The following ATP9B variants were observed in gnomAD, a reference collection of about 807,000 sequenced individuals.
ATP9B encodes probable phospholipid-transporting ATPase IIB.
Under a neutral mutation model 146.1 loss-of-function variants are expected in ATP9B, and 110 were observed. The observed-to-expected ratio is 0.75, with a 90% confidence interval of 0.65 to 0.88. The LOEUF (loss-of-function observed/expected upper bound fraction) is 0.88, where lower values mean the gene tolerates loss of function less well. Among genes scored for constraint, ATP9B ranks in the 40% least tolerant of loss-of-function variants. The pLI, the probability that ATP9B is intolerant of heterozygous loss-of-function variation, is 0.00. For synonymous variants in ATP9B, 604 were observed against 569.7 expected (o/e 1.06, Z -0.86); for missense variants, 1,499 against 1,496.4 (o/e 1.00, Z -0.03).
At chr18:79,271,413 GGT>G (rs2096253375) in intron 12 of ATP9B, among the ~76,000 whole-genome samples, 1 of 125,520 alleles carries the variant, frequency 8.0e-6, no homozygotes, top group Non-Finnish European at 1.7e-5. Context: ...AACAGGCCCC[GGT>G]GTGTGATGTT....
chr18:79,313,133 A>G (rs2096662005), intron 15 of ATP9B, among the ~76,000 whole-genome samples: 1 of 152,202 alleles, frequency 6.6e-6, no homozygotes, highest in African/African-American at 2.4e-5. Flanking sequence ...AGATACGTAA[A>G]AATCTCTGTA....
At chr18:79,166,208 G>T (rs2094962026) in intron 7 of ATP9B, among the ~76,000 whole-genome samples, 1 of 152,212 alleles carries the variant, frequency 6.6e-6, no homozygotes, top group African/African-American at 2.4e-5. Context: ...TGGAGAGCTT[G>T]GTGGCCACCA....
chr18:79,370,473 G>A (rs1344033000), intron 26 of ATP9B, among the ~76,000 whole-genome samples: 1 of 152,132 alleles, frequency 6.6e-6, no homozygotes, highest in African/African-American at 2.4e-5. Flanking sequence ...AAATGAAGAG[G>A]TACCTGGCCC....
At chr18:79,099,846 G>A (rs981299155) in intron 2 of ATP9B, among the ~76,000 whole-genome samples, 3 of 151,982 alleles carry the variant, frequency 2.0e-5, no homozygotes, top group Non-Finnish European at 2.9e-5. Flanking sequence ...TAAAAAATGG[G>A]CCAGGTGCAG....
intron 11 of ATP9B, among the ~76,000 whole-genome samples, chr18:79,218,215 T>C (rs1312321561): frequency 6.6e-6 from 1 of 152,166 alleles, no homozygotes; most frequent in Non-Finnish European, 1.5e-5. Context: ...TGTCATGTTT[T>C]CCTCGTGTTC....
intron 12 of ATP9B, among the ~76,000 whole-genome samples, chr18:79,267,634 A>C (rs1458343818): frequency 2.0e-5 from 3 of 152,050 alleles, no homozygotes; most frequent in African/African-American, 7.2e-5. Context: ...CTTATTTCTT[A>C]TCTTAATTTA....
At chr18:79,228,646 A>G (rs1477719570) in intron 11 of ATP9B, among the ~76,000 whole-genome samples, 1 of 152,206 alleles carries the variant, frequency 6.6e-6, no homozygotes, top group East Asian at 1.9e-4. Context: ...TGATTTACTC[A>G]AGATGTGACT....
intron 11 of ATP9B, among the ~76,000 whole-genome samples, chr18:79,252,713 C>G (rs540371269): frequency 6.6e-6 from 1 of 152,042 alleles, no homozygotes; most frequent in Non-Finnish European, 1.5e-5. Context: ...AATGGACTTG[C>G]ATGTAGCGTG....
At chr18:79,256,769 G>A (rs1466861943) in intron 12 of ATP9B, among the ~76,000 whole-genome samples, 2 of 152,088 alleles carry the variant, frequency 1.3e-5, no homozygotes, top group African/African-American at 4.8e-5. Context: ...TTGCTGTCCT[G>A]TTTGGTTTAT....
intron 28 of ATP9B, 136 bp downstream of exon 28, chr18:79,374,237 C>G (rs919897329): frequency 9.5e-7 from 1 of 1,050,744 alleles, no homozygotes; most frequent in African/African-American, 1.6e-5. Context: ...CCTGCTCTTA[C>G]TGTCCCTGCA....
chr18:79,127,070 C>G (rs888778826), intron 5 of ATP9B, among the ~76,000 whole-genome samples: 1 of 152,138 alleles, frequency 6.6e-6, no homozygotes, highest in African/African-American at 2.4e-5. Context: ...ACCCCAAAGT[C>G]TGTTTAAAAA....
At chr18:79,336,508 A>G (rs1174941497) in intron 17 of ATP9B, 120 bp from the exon 18 acceptor site, 3 of 801,738 alleles carry the variant, frequency 3.7e-6, no homozygotes, top group African/African-American at 1.7e-5. Context: ...TTGGTGATGA[A>G]GGTGGGCACA....
chr18:79,071,066 T>TTG (rs371797213), intron 1 of ATP9B, among the ~76,000 whole-genome samples: 1 of 149,482 alleles, frequency 6.7e-6, no homozygotes, highest in South Asian at 2.1e-4. Flanking sequence ...TTTTTTTTTT[T>TTG]GCCACTTTTT....
At chr18:79,290,520 C>T (rs1026015546) in intron 13 of ATP9B, among the ~76,000 whole-genome samples, 1 of 152,190 alleles carries the variant, frequency 6.6e-6, no homozygotes, top group African/African-American at 2.4e-5. Context: ...CTGTCTGTCA[C>T]CCCTTTCTTT....
intron 6 of ATP9B, among the ~76,000 whole-genome samples, chr18:79,153,453 T>C (rs9958026): frequency 0.13 from 20,529 of 152,182 alleles, 1,473 homozygotes; most frequent in East Asian, 0.2. Flanking sequence ...GATTTATTCT[T>C]TCACATCTAT....
At chr18:79,257,182 C>T in intron 12 of ATP9B, among the ~76,000 whole-genome samples, 1 of 152,140 alleles carries the variant, frequency 6.6e-6, no homozygotes, top group East Asian at 1.9e-4. Context: ...CACCTGTAAT[C>T]CCACCTACTT....
chr18:79,218,641 C>T (rs1369370517), intron 11 of ATP9B, among the ~76,000 whole-genome samples: 4 of 151,842 alleles, frequency 2.6e-5, no homozygotes, highest in African/African-American at 9.7e-5. Context: ...ATATTTTCTT[C>T]GTATTCTGGG....
In ATP9B at chr18:79,071,399, C is replaced by CTTTTTTTTTTTTTTTTTTTTTTTTT. The variant is rs56119715; in HGVS notation, c.119+1884_119+1885insTTTTTTTTTTTTTTTTTTTTTTTTT. On this transcript the variant is annotated intron_variant, in intron 1 of 29. Transcript: ENST00000426216. ...ATTTCCCCTTTTTCTATTGTTCTTC[C>CTTTTTTTTTTTTTTTTTTTTTTTTT]TTTTTTTTTTTTTTGAGACAGGGTC... Among the ~76,000 whole-genome samples, 299 of 69,264 alleles carry CTTTTTTTTTTTTTTTTTTTTTTTTT rather than the reference C, an allele frequency of 4.3e-3. 55 individuals are homozygous for CTTTTTTTTTTTTTTTTTTTTTTTTT. The highest frequency in any genetic ancestry group is 4.9e-3 in the African/African-American group (103 of 20,832). 45.4% of individuals were successfully genotyped at this position (69,264 alleles called of 152,430 possible). A position where few individuals can be genotyped will look rare whatever the true frequency, so the allele number is the denominator to read the frequency against.
At chr18:79,195,287 G>A (rs564886531) in intron 9 of ATP9B, among the ~76,000 whole-genome samples, 4 of 152,006 alleles carry the variant, frequency 2.6e-5, no homozygotes, top group Admixed American at 1.3e-4. Context: ...TTGCTGTCTC[G>A]CCCAGGCTAG....
Sources: allele counts gnomAD v4.1 joint callset (sites outside exome capture counted in the v4.1 genomes callset), GRCh38; gene constraint gnomAD v4.1.1; transcripts MANE v1.5; gene names NCBI Gene and HGNC (gene_info 2026-07-23, HGNC 2026-07-21).